The following ATRNL1 variants were observed in gnomAD, a reference collection of about 807,000 sequenced individuals.
ATRNL1 encodes the protein attractin like 1.
In ATRNL1, 95 loss-of-function variants were observed where a neutral mutation model predicts 182.7. The ratio of observed to expected loss-of-function variants is 0.52; its 90% confidence interval spans 0.44 to 0.62. The LOEUF (loss-of-function observed/expected upper bound fraction) is 0.62. Ranked by LOEUF, ATRNL1 falls within the 20% of genes least tolerant of loss-of-function variation. The pLI, the probability that ATRNL1 is intolerant of heterozygous loss-of-function variation, is 0.00. For synonymous variants in ATRNL1, 576 were observed against 568.3 expected, an observed-to-expected ratio of 1.01 and a Z score of -0.19; for missense variants, 1,471 against 1,679.5, an observed-to-expected ratio of 0.88 and a Z score of 2.17.
Position 115,496,703 on chromosome 10 carries a change from A to G in ATRNL1, c.3655-22560A>G, listed in dbSNP as rs372357021. 8.5e-5 allele frequency among the ~76,000 whole-genome samples: 13 copies of G among 152,276 alleles called. No individual in the cohort carries two copies. In the East Asian group the frequency reaches 2.1e-3, roughly 25 times the overall value. On this transcript the variant is annotated intron_variant, in intron 24 of 28. Transcript: ENST00000355044. Reference sequence around the variant, plus strand: ...TTTGATTTGAGTTTTTATTCTTTAAAATTGCTGAGTATCAGCTCCCAGTCT... The same window carrying G: ...TTTGATTTGAGTTTTTATTCTTTAAGATTGCTGAGTATCAGCTCCCAGTCT...
intron 21 of ATRNL1, among the ~76,000 whole-genome samples, chr10:115,442,946 A>T (rs1288392050): frequency 1.3e-5 from 2 of 152,062 alleles, no homozygotes; most frequent in East Asian, 3.9e-4. Flanking sequence ...TCTATTTATC[A>T]TGTATAGTTA....
intron 8 of ATRNL1, among the ~76,000 whole-genome samples, chr10:115,196,103 G>T (rs910945670): frequency 2.6e-5 from 4 of 152,062 alleles, no homozygotes; most frequent in Non-Finnish European, 4.4e-5. Context: ...CAAGGCTACA[G>T]TGAACTATGA....
At chr10:115,906,255 G>A (rs1555114514) in intron 28 of ATRNL1, among the ~76,000 whole-genome samples, 1 of 152,080 alleles carries the variant, frequency 6.6e-6, no homozygotes. Context: ...CTAGGTTTCT[G>A]CTAATAAAGT....
intron 5 of ATRNL1, among the ~76,000 whole-genome samples, chr10:115,142,516 CTA>C (rs1202136843): frequency 6.6e-6 from 1 of 152,098 alleles, no homozygotes; most frequent in Non-Finnish European, 1.5e-5. Context: ...AAGGATGGAG[CTA>C]TATCAGCTAA....
intron 26 of ATRNL1, among the ~76,000 whole-genome samples, chr10:115,571,524 C>G (rs1404300407): frequency 6.6e-6 from 1 of 152,160 alleles, no homozygotes; most frequent in Non-Finnish European, 1.5e-5. Context: ...GACACTACTA[C>G]TACATTGTTG....
At chr10:115,309,925 T>C (rs1853931631) in intron 17 of ATRNL1, among the ~76,000 whole-genome samples, 1 of 152,138 alleles carries the variant, frequency 6.6e-6, no homozygotes, top group South Asian at 2.1e-4. Flanking sequence ...ACCTGTCTTC[T>C]TCTAGTACTT....
chr10:115,809,086 A>C (rs1949988921), intron 27 of ATRNL1, among the ~76,000 whole-genome samples: 1 of 152,026 alleles, frequency 6.6e-6, no homozygotes, highest in Non-Finnish European at 1.5e-5. Flanking sequence ...TTGTTCCAGC[A>C]TTTATTTTGC....
At chr10:115,433,255 A>T (rs1340531991) in intron 21 of ATRNL1, among the ~76,000 whole-genome samples, 2 of 152,166 alleles carry the variant, frequency 1.3e-5, no homozygotes, top group Admixed American at 1.3e-4. Flanking sequence ...TACTTAAAAT[A>T]GTATGTCATA....
intron 28 of ATRNL1, among the ~76,000 whole-genome samples, chr10:115,913,808 C>T (rs1427798742): frequency 6.6e-6 from 1 of 152,148 alleles, no homozygotes; most frequent in Non-Finnish European, 1.5e-5. Context: ...CTCATGGATG[C>T]CCCCAAACTG....
At chr10:115,674,881 C>G (rs182598283) in intron 26 of ATRNL1, among the ~76,000 whole-genome samples, 11 of 152,128 alleles carry the variant, frequency 7.2e-5, no homozygotes, top group Admixed American at 1.3e-4. Context: ...AAAATTCAAC[C>G]CAGCCTTTAT....
At position 115,268,377 on chromosome 10, in the gene ATRNL1, C is replaced by A; in HGVS notation, c.2033C>A (p.Ala678Asp). ...TATGCAGATTGTGCCAGCTGTACTG[C>A]CAATACAAATGGGTGCCAATGGTGT... ...YRYADCASCT[A>D]NTNGCQWCDD... The change falls in exon 13 of 29, where the codon GCC becomes GAC. Residue 678 changes from alanine to aspartate, a missense_variant. Transcript: ENST00000355044. 1 of 1,613,594 alleles carries A rather than the reference C, an allele frequency of 6.2e-7. No individual in the cohort carries two copies. Among genetic ancestry groups the A allele is most frequent in the Non-Finnish European group, 8.5e-7 (1 of 1,179,744 alleles).
chr10:115,132,648 T>C (rs571320132), intron 5 of ATRNL1, among the ~76,000 whole-genome samples: 26 of 152,234 alleles, frequency 1.7e-4, no homozygotes, highest in African/African-American at 6.0e-4. Flanking sequence ...TGGTATCTCA[T>C]TGTGGTTTTG....
chr10:115,602,798 G>C (rs1856675159), intron 26 of ATRNL1, among the ~76,000 whole-genome samples: 1 of 148,852 alleles, frequency 6.7e-6, no homozygotes. Flanking sequence ...AGTTTGCAGT[G>C]AGCAGAGATC....
chr10:115,227,299 C>T (rs1480594264), intron 9 of ATRNL1, among the ~76,000 whole-genome samples: 1 of 151,888 alleles, frequency 6.6e-6, no homozygotes, highest in African/African-American at 2.4e-5. Flanking sequence ...TATACAAGTG[C>T]CCAACAAACA....
chr10:115,649,608 A>G (rs1048801254), intron 26 of ATRNL1, among the ~76,000 whole-genome samples: 1 of 152,156 alleles, frequency 6.6e-6, no homozygotes, highest in Non-Finnish European at 1.5e-5. Context: ...AACTGTCCAG[A>G]TGGAATTCAA....
intron 26 of ATRNL1, among the ~76,000 whole-genome samples, chr10:115,664,007 C>T (rs1199394536): frequency 6.6e-6 from 1 of 152,154 alleles, no homozygotes; most frequent in Non-Finnish European, 1.5e-5. Flanking sequence ...TCCCACTTTA[C>T]CTGAGTTTTG....
At chr10:115,389,538 G>GTATATATATATATATATGTA (rs1270489896) in intron 19 of ATRNL1, among the ~76,000 whole-genome samples, 1 of 51,412 alleles carries the variant, frequency 1.9e-5, no homozygotes, top group Non-Finnish European at 3.3e-5. Flanking sequence ...AAATGTGTAT[G>GTATATATATATATATATGTA]TGTATATATA....
intron 10 of ATRNL1, among the ~76,000 whole-genome samples, chr10:115,255,722 C>T (rs546213778): frequency 6.6e-6 from 1 of 152,108 alleles, no homozygotes; most frequent in Non-Finnish European, 1.5e-5. Flanking sequence ...TGCCAGTTTT[C>T]AAAGGGAATG....
intron 19 of ATRNL1, among the ~76,000 whole-genome samples, chr10:115,390,890 C>T (rs1843983747): frequency 6.6e-6 from 1 of 151,990 alleles, no homozygotes. Flanking sequence ...AATTTACTTC[C>T]AAGTATTTTT....
Sources: gnomAD v4.1 joint callset for allele counts (sites outside exome capture counted in the v4.1 genomes callset) on GRCh38, gnomAD v4.1.1 for gene constraint, MANE v1.5 for transcripts, NCBI Gene and HGNC (gene_info 2026-07-23, HGNC 2026-07-21) for gene names.